The following KCND3 variants were observed in gnomAD, a reference collection of about 807,000 sequenced individuals.
KCND3 encodes the protein potassium voltage-gated channel subfamily D member 3, also known as A-type voltage-gated potassium channel KCND3.
KCND3 carries 9 observed loss-of-function variants against 51.1 expected under a neutral mutation model. The ratio of observed to expected loss-of-function variants is 0.18; its 90% CI spans 0.11 to 0.31. The LOEUF (loss-of-function observed/expected upper bound fraction) is 0.31, where lower values mean the gene tolerates loss of function less well. Ranked by LOEUF, KCND3 falls within the 10% of genes least tolerant of loss-of-function variation. The pLI is 1.00. For synonymous variants in KCND3, 349 were observed against 368.0 expected (o/e 0.95, Z 0.59); for missense variants, 526 against 903.8 (o/e 0.58, Z 5.36).
At chr1:111,791,264 G>A (rs1484540075) in intron 2 of KCND3, among the ~76,000 whole-genome samples, 2 of 152,084 alleles carry the variant, frequency 1.3e-5, no homozygotes, top group African/African-American at 4.8e-5. Flanking sequence ...GTTTTGATTT[G>A]GATTTTTCTG....
At chr1:111,790,160 C>T (rs1664768144) in intron 2 of KCND3, among the ~76,000 whole-genome samples, 1 of 152,314 alleles carries the variant, frequency 6.6e-6, no homozygotes, top group African/African-American at 2.4e-5. Context: ...TAAGAGAGGA[C>T]ACTGGAGTCC....
At chr1:111,860,371 A>C (rs1291951948) in intron 2 of KCND3, among the ~76,000 whole-genome samples, 1 of 152,228 alleles carries the variant, frequency 6.6e-6, no homozygotes, top group Non-Finnish European at 1.5e-5. Context: ...CTTGCTTCTA[A>C]CAGCTTAGGT....
intron 2 of KCND3, among the ~76,000 whole-genome samples, chr1:111,801,609 G>A (rs1286391414): frequency 6.6e-6 from 1 of 152,184 alleles, no homozygotes; most frequent in African/African-American, 2.4e-5. Flanking sequence ...CAGATTCAGT[G>A]CTTAGCGGTT....
At chr1:111,927,024 G>T (rs952626130) in intron 2 of KCND3, among the ~76,000 whole-genome samples, 2 of 152,182 alleles carry the variant, frequency 1.3e-5, no homozygotes, top group African/African-American at 4.8e-5. Context: ...TGATTATGCT[G>T]CTAAGTGCTT....
At position 111,982,767 on chromosome 1, in the gene KCND3, G is replaced by A. The variant is rs770261969; in HGVS notation, c.-41C>T. Reference sequence around the variant, plus strand: ...TGGGCCGGCAGCCGCGCGGACGCTAGGCACACCAGCTTGGAGTTAGTTCAG... The same window carrying A: ...TGGGCCGGCAGCCGCGCGGACGCTAAGCACACCAGCTTGGAGTTAGTTCAG... On this transcript the variant is annotated 5_prime_UTR_variant, in exon 2 of 8. Transcript: ENST00000302127. This position sits in a 1 kb window ranked among gnomAD's most constrained non-coding sequence, Gnocchi z 8.5. 1 of 1,574,588 alleles carries A rather than the reference G, an allele frequency of 6.4e-7. No individual in the cohort carries two copies. Among genetic ancestry groups the A allele is most frequent in the African/African-American group, 1.3e-5 (1 of 74,354 alleles).
rs983736059 is a variant in KCND3, at chr1:111,780,160, A to G, written c.1461+65T>C. 27 of 1,432,788 alleles carry G rather than the reference A, an allele frequency of 1.9e-5. No individual in the cohort carries two copies. Among genetic ancestry groups the G allele is most frequent in the Non-Finnish European group, 2.5e-5 (26 of 1,039,928 alleles). The allele number at this position is 1,432,788 out of a possible 1,614,324, so 88.8% of individuals were successfully genotyped here. ...ACTTCTGGCCCAGAGTGAAGATGTG[A>G]GTACAGCCTTAGAAAAGGGTCAGGG... On this transcript the variant is annotated intron_variant, in intron 5 of 7. Coordinates refer to ENST00000302127, the MANE Select transcript of KCND3 (RefSeq NM_001378969.1). The surrounding 1 kb of genome is among the most constrained non-coding windows in gnomAD (Gnocchi z 4.2).
chr1:111,938,741 G>T (rs374419842), intron 2 of KCND3, among the ~76,000 whole-genome samples: 1 of 152,192 alleles, frequency 6.6e-6, no homozygotes, highest in South Asian at 2.1e-4. Flanking sequence ...CAGGGAGGCC[G>T]CCAGGACTGC....
chr1:111,917,734 G>A (rs181635288), intron 2 of KCND3, among the ~76,000 whole-genome samples: 83 of 152,286 alleles, frequency 5.5e-4, no homozygotes, highest in African/African-American at 1.9e-3. Flanking sequence ...AAGGATGGGC[G>A]AACTGAGGTA....
chr1:111,946,473 C>T (rs1471810858), intron 2 of KCND3, among the ~76,000 whole-genome samples: 1 of 152,144 alleles, frequency 6.6e-6, no homozygotes, highest in African/African-American at 2.4e-5. Context: ...TGTCTGAGTC[C>T]TTCATGCCCT....
chr1:111,786,957 C>T lies in KCND3; in HGVS notation c.1256G>A (p.Arg419His), dbSNP rs774338559. ...IYHQNQRADK[R>H]RAQKKARLAR... ...TCTGAGGCTTACCTTTTGTGCCCTGCGTTTATCAGCTCTCTGATTCTGGTG... is the reference window on the plus strand; with the variant it reads ...TCTGAGGCTTACCTTTTGTGCCCTGTGTTTATCAGCTCTCTGATTCTGGTG... Residue 419 changes from arginine (R) to histidine (H), a missense_variant, in exon 3 of 8, where the codon CGC (arginine) becomes CAC (histidine). Arg to His is a conservative substitution (Grantham distance 29). Transcript: ENST00000302127. 8.1e-6 allele frequency: 13 copies of T among 1,614,140 alleles called. No individual in the cohort carries two copies. Among genetic ancestry groups the T allele is most frequent in the South Asian group, 1.1e-5 (1 of 91,078 alleles).
intron 2 of KCND3, among the ~76,000 whole-genome samples, chr1:111,956,191 G>A (rs1395287489): frequency 6.6e-6 from 1 of 152,090 alleles, no homozygotes; most frequent in East Asian, 1.9e-4. Flanking sequence ...ACCGCTTTGA[G>A]GGGAGGCTGC....
At chr1:111,936,263 AC>A (rs1672215457) in intron 2 of KCND3, among the ~76,000 whole-genome samples, 1 of 152,176 alleles carries the variant, frequency 6.6e-6, no homozygotes, top group Non-Finnish European at 1.5e-5. Flanking sequence ...AATAATATTT[AC>A]CAAGTCCCTG....
chr1:111,784,230 T>C (rs1186092703), intron 3 of KCND3, among the ~76,000 whole-genome samples: 1 of 152,194 alleles, frequency 6.6e-6, no homozygotes, highest in African/African-American at 2.4e-5. Context: ...AGTACTATTG[T>C]TTTGTAAAAT....
At chr1:111,893,923 G>T (rs1669976846) in intron 2 of KCND3, among the ~76,000 whole-genome samples, 1 of 152,142 alleles carries the variant, frequency 6.6e-6, no homozygotes, top group Non-Finnish European at 1.5e-5. Flanking sequence ...GGACAGAAGA[G>T]AAGAAGGTCC....
chr1:111,860,026 C>T (rs1326663483), intron 2 of KCND3, among the ~76,000 whole-genome samples: 1 of 152,206 alleles, frequency 6.6e-6, no homozygotes, highest in Non-Finnish European at 1.5e-5. Flanking sequence ...CAGGAACGAT[C>T]CTGAGGTCAT....
chr1:111,912,112 G>A lies in KCND3; in HGVS notation c.1106+69509C>T, dbSNP rs188533702. Reference sequence around the variant, plus strand: ...CCATAAGGCTGGAGAAAGAACCATCGCAAAGCACTAAGCCAAATGATTTCC... The same window carrying A: ...CCATAAGGCTGGAGAAAGAACCATCACAAAGCACTAAGCCAAATGATTTCC... On this transcript the variant is annotated intron_variant, in intron 2 of 7. Coordinates refer to ENST00000302127, the MANE Select transcript of KCND3 (RefSeq NM_001378969.1). Among the ~76,000 whole-genome samples, 13 of 152,306 alleles carry A rather than the reference G, an allele frequency of 8.5e-5. No homozygotes were observed. In the East Asian group the frequency reaches 1.7e-3, roughly 20 times the overall value.
At chr1:111,797,313 AACAG>A (rs1335617658) in intron 2 of KCND3, among the ~76,000 whole-genome samples, 3 of 152,312 alleles carry the variant, frequency 2.0e-5, no homozygotes, top group African/African-American at 4.8e-5. Flanking sequence ...TACATGAGGA[AACAG>A]ACAAAGTCAG....
intron 2 of KCND3, among the ~76,000 whole-genome samples, chr1:111,820,840 C>T (rs577374667): frequency 6.6e-6 from 1 of 152,228 alleles, no homozygotes; most frequent in South Asian, 2.1e-4. Context: ...GGGGTGACGG[C>T]CATGTGAAGA....
At chr1:111,807,222 T>G (rs972395378) in intron 2 of KCND3, among the ~76,000 whole-genome samples, 2 of 152,222 alleles carry the variant, frequency 1.3e-5, no homozygotes, top group South Asian at 2.1e-4. Flanking sequence ...CATATAGTCA[T>G]GCATGTCATA....
Sources: allele counts gnomAD v4.1 joint callset (sites outside exome capture counted in the v4.1 genomes callset), GRCh38; gene constraint gnomAD v4.1.1; non-coding constraint Gnocchi (gnomAD v3.1); transcripts MANE v1.5; gene names NCBI Gene and HGNC (gene_info 2026-07-23, HGNC 2026-07-21).